Variants in SH3BP5 observed in about 807,000 individuals in gnomAD.
The protein encoded by SH3BP5 is SH3 domain-binding protein 5.
SH3BP5 carries 22 observed loss-of-function variants against 43.3 expected under a neutral mutation model. The ratio of observed to expected loss-of-function variants is 0.51; its 90% CI spans 0.36 to 0.73. The LOEUF (loss-of-function observed/expected upper bound fraction) is 0.73, where lower values mean the gene tolerates loss of function less well. SH3BP5 is among the 30% of genes least tolerant of loss of function. SH3BP5 has a pLI of 0.00. For synonymous variants in SH3BP5, 255 were observed against 225.8 expected (o/e 1.13, Z -1.16); for missense variants, 529 against 586.9 (o/e 0.90, Z 1.02).
chr3:15,297,113 A>G (rs1412580817), intron 3 of SH3BP5, among the ~76,000 whole-genome samples: 2 of 152,154 alleles, frequency 1.3e-5, no homozygotes, highest in African/African-American at 2.4e-5. Flanking sequence ...GATATGCTCG[A>G]CCCATTTCAT....
At position 15,269,749 on chromosome 3, in the gene SH3BP5, G is replaced by A. The variant is rs142686824; in HGVS notation, c.459C>T (p.Ser153=). The part of the protein sequence containing the change: ...LLEDDKRQFD[S]AWQEMLNHAT... ...CGTGATTCAGCATCTCCTGCCAGGC[G>A]GAGTCGAACTGCCGCTTGTCATCCT... The change falls in exon 4 of 9, where the codon TCC becomes TCT. Residue 153 remains serine, a synonymous_variant. Transcript: ENST00000383791. The A allele has an allele frequency of 1.2e-3, 1,891 of 1,610,042 alleles. No homozygotes were observed. Among genetic ancestry groups the A allele is most frequent in the Admixed American group, 1.8e-3 (105 of 59,520 alleles).
rs761637519 is a variant in SH3BP5 at position 15,259,039 on chromosome 3, C to G, written c.681G>C (p.Lys227Asn). 4.3e-6 allele frequency: 7 copies of G among 1,614,014 alleles called. No homozygotes were observed. The highest frequency in any genetic ancestry group is 5.1e-6 in the Non-Finnish European group (6 of 1,179,946). Residue 227 changes from lysine (K) to asparagine (N), a missense_variant, in exon 7 of 9, where the codon AAG becomes AAC. Around this residue, in one of 3 missense-constraint regions of SH3BP5, gnomAD observed 369 missense variants for 384.3 expected, o/e 0.96. Coordinates refer to ENST00000383791, the MANE Select transcript of SH3BP5 (RefSeq NM_004844.5). The stretch of plus-strand genomic sequence containing the variant: ...GTTTGGCCTGCAGGTCATCCACAGT[C>G]TTTTTCAGTTGCTGATCAAGAGAAC... ...KYYVQLEQLK[K>N]TVDDLQAKLT...
At chr3:15,296,329 G>A (rs1697567983) in intron 3 of SH3BP5, among the ~76,000 whole-genome samples, 2 of 142,332 alleles carry the variant, frequency 1.4e-5, no homozygotes, top group African/African-American at 6.0e-5. Flanking sequence ...TACCTCAAAT[G>A]GGGAAATCAT....
At chr3:15,294,886 G>A (rs1697526301) in intron 3 of SH3BP5, among the ~76,000 whole-genome samples, 1 of 152,068 alleles carries the variant, frequency 6.6e-6, no homozygotes, top group Non-Finnish European at 1.5e-5. Flanking sequence ...TTCCTGACTG[G>A]TCCTTTAGCT....
In SH3BP5 at chr3:15,332,514, G is replaced by A. The variant is rs1698641075; in HGVS notation, c.-106C>T. The A allele has an allele frequency of 2.4e-6, 3 of 1,262,694 alleles. No homozygotes were observed. Among genetic ancestry groups the A allele is most frequent in the Admixed American group, 8.6e-5 (2 of 23,142 alleles). The allele number at this position is 1,262,694 out of a possible 1,614,324, so 78.2% of individuals were successfully genotyped here. ...GCCTCGCCACAGCCGGGCACGGTCGGGGAGCCGCCGGGGCCGACACCCGGG... is the reference window on the plus strand; with the variant it reads ...GCCTCGCCACAGCCGGGCACGGTCGAGGAGCCGCCGGGGCCGACACCCGGG... On this transcript the variant is annotated 5_prime_UTR_variant, in exon 1 of 9. Coordinates refer to ENST00000383791, the MANE Select transcript of SH3BP5 (RefSeq NM_004844.5).
At position 15,332,503 on chromosome 3, in the gene SH3BP5, G is replaced by A. The variant is rs1199963727; in HGVS notation, c.-95C>T. 5.4e-6 allele frequency: 7 copies of A among 1,300,838 alleles called. No homozygotes were observed. The highest frequency in any genetic ancestry group is 3.1e-5 in the African/African-American group (2 of 64,094). 80.6% of individuals were successfully genotyped at this position (1,300,838 alleles called of 1,614,324 possible). On this transcript the variant is annotated 5_prime_UTR_variant, in exon 1 of 9. Coordinates refer to ENST00000383791, the MANE Select transcript of SH3BP5 (RefSeq NM_004844.5). The stretch of plus-strand genomic sequence containing the variant: ...GGGCTGGAGCCGCCTCGCCACAGCC[G>A]GGCACGGTCGGGGAGCCGCCGGGGC...
intron 2 of SH3BP5, among the ~76,000 whole-genome samples, chr3:15,318,847 TG>T (rs56074121): frequency 0.024 from 3,618 of 152,344 alleles, 73 homozygotes; most frequent in Non-Finnish European, 0.033. Flanking sequence ...ACTGGGATTA[TG>T]GGCGTGAGCC....
At chr3:15,335,768 G>A (rs188785701), upstream of SH3BP5, among the ~76,000 whole-genome samples, 60 of 152,220 alleles carry the variant, frequency 3.9e-4, no homozygotes, top group African/African-American at 1.3e-3. Flanking sequence ...CATATGTAGT[G>A]CACATAAATG....
At chr3:15,306,717 G>A (rs949314576) in intron 2 of SH3BP5, among the ~76,000 whole-genome samples, 2 of 152,092 alleles carry the variant, frequency 1.3e-5, no homozygotes, top group Admixed American at 1.3e-4. Flanking sequence ...CACCCAGGCT[G>A]GAGTGCAGTG....
At chr3:15,302,663 T>C (rs2125109730) in intron 3 of SH3BP5, among the ~76,000 whole-genome samples, 1 of 152,092 alleles carries the variant, frequency 6.6e-6, no homozygotes, top group South Asian at 2.1e-4. Context: ...TCTCTATGGG[T>C]CTATCTTAAT....
intron 2 of SH3BP5, among the ~76,000 whole-genome samples, chr3:15,311,806 C>G (rs980437178): frequency 6.6e-6 from 1 of 151,884 alleles, no homozygotes; most frequent in African/African-American, 2.4e-5. Flanking sequence ...CCCAAGTAGC[C>G]GGGACTAGAG....
chr3:15,323,344 G>A (rs1019450978), intron 2 of SH3BP5, among the ~76,000 whole-genome samples: 3 of 152,102 alleles, frequency 2.0e-5, no homozygotes, highest in African/African-American at 7.2e-5. Context: ...AGGACCTGGG[G>A]GAAGAGAACA....
intron 3 of SH3BP5, among the ~76,000 whole-genome samples, chr3:15,281,461 C>A (rs1697127524): frequency 6.6e-6 from 1 of 152,106 alleles, no homozygotes; most frequent in African/African-American, 2.4e-5. Context: ...GCATCAGATT[C>A]CCTTGGCAGA....
At chr3:15,259,564 CTG>C (rs967031711) in intron 6 of SH3BP5, 195 bp downstream of exon 6, 8 of 676,326 alleles carry the variant, frequency 1.2e-5, no homozygotes, top group Non-Finnish European at 1.9e-5. Context: ...GAGAAGGTGA[CTG>C]AATGGCAGTT....
intron 3 of SH3BP5, among the ~76,000 whole-genome samples, chr3:15,283,910 T>C (rs1439924377): frequency 6.6e-6 from 1 of 152,098 alleles, no homozygotes; most frequent in Non-Finnish European, 1.5e-5. Flanking sequence ...GTCCAGCCCA[T>C]AGCCCTGCTT....
chr3:15,280,258 A>G (rs1174536739), intron 3 of SH3BP5, among the ~76,000 whole-genome samples: 1 of 151,868 alleles, frequency 6.6e-6, no homozygotes, highest in Non-Finnish European at 1.5e-5. Context: ...GTGCGCCCAC[A>G]TTCCTCCTCA....
At chr3:15,320,124 G>C (rs1206235647) in intron 2 of SH3BP5, among the ~76,000 whole-genome samples, 1 of 152,076 alleles carries the variant, frequency 6.6e-6, no homozygotes, top group African/African-American at 2.4e-5. Context: ...GAAACAAAAG[G>C]GTGTGGTGAA....
intron 4 of SH3BP5, among the ~76,000 whole-genome samples, chr3:15,264,871 G>C (rs1280770407): frequency 6.6e-6 from 1 of 152,036 alleles, no homozygotes; most frequent in Non-Finnish European, 1.5e-5. Flanking sequence ...GGGGGTGATT[G>C]TTTTATTACA....
chr3:15,302,086 T>G (rs1343396219), intron 3 of SH3BP5, among the ~76,000 whole-genome samples: 1 of 152,152 alleles, frequency 6.6e-6, no homozygotes, highest in East Asian at 1.9e-4. Flanking sequence ...TTAAATTAAA[T>G]CCTCAGAAGC....
Sources: gnomAD v4.1 joint callset for allele counts (sites outside exome capture counted in the v4.1 genomes callset) on GRCh38, gnomAD v4.1.1 for gene constraint, gnomAD v4.1.1 regional missense constraint, MANE v1.5 for transcripts, NCBI Gene and HGNC (gene_info 2026-07-23, HGNC 2026-07-21) for gene names.